Variants in PHLDB2 observed in about 807,000 individuals in gnomAD.
The protein encoded by PHLDB2 is pleckstrin homology-like domain family B member 2.
Under a neutral mutation model 123.6 loss-of-function variants are expected in PHLDB2, and 71 were observed. The ratio of observed to expected loss-of-function variants is 0.57; its 90% CI spans 0.47 to 0.70. The LOEUF is 0.70. PHLDB2 is among the 30% of genes least tolerant of loss of function. The pLI is 0.00. For synonymous variants in PHLDB2, 547 were observed against 541.6 expected (o/e 1.01, Z -0.14); for missense variants, 1,446 against 1,519.5 (o/e 0.95, Z 0.80).
intron 1 of PHLDB2, among the ~76,000 whole-genome samples, chr3:111,799,405 AG>A (rs1301817246): frequency 6.6e-6 from 1 of 152,270 alleles, no homozygotes; most frequent in African/African-American, 2.4e-5. Flanking sequence ...AAAAAGTATT[AG>A]AAAAGAAAAT....
intron 9 of PHLDB2, 113 bp from the exon 10 acceptor site, chr3:111,948,819 A>C: frequency 2.2e-6 from 2 of 899,170 alleles, no homozygotes; most frequent in Non-Finnish European, 3.4e-6. Context: ...ATAATACCAC[A>C]GATATCTGGC....
intron 8 of PHLDB2, 59 bp downstream of exon 8, chr3:111,940,704 A>G: frequency 1.0e-6 from 1 of 986,306 alleles, no homozygotes; most frequent in Non-Finnish European, 1.5e-6. Context: ...ATTCAGGGAA[A>G]TTGCCCCCTT....
chr3:111,859,880 T>TGA (rs2064726753), intron 1 of PHLDB2: 2 of 983,256 alleles, frequency 2.0e-6, no homozygotes, highest in Non-Finnish European at 2.4e-6. Flanking sequence ...GATGAGACGG[T>TGA]GAGTGGGCTC....
intron 1 of PHLDB2, among the ~76,000 whole-genome samples, chr3:111,844,846 G>A (rs2063876652): frequency 6.6e-6 from 1 of 152,182 alleles, no homozygotes; most frequent in Admixed American, 6.5e-5. Context: ...CTTAGTCTTA[G>A]AGACATTGTG....
rs115496035 is a variant in PHLDB2, at chr3:111,872,445, A to G, written c.-14-11619A>G. 8.4e-4 allele frequency among the ~76,000 whole-genome samples: 128 copies of G among 152,142 alleles called. 2 individuals are homozygous for G. The highest frequency in any genetic ancestry group is 2.9e-3 in the African/African-American group (122 of 41,500). Reference sequence around the variant, plus strand: ...CCTCCCTCCTGTTGTCACCTTGTCAATGCCTCTTGTGTGCTCTCCCTCACC... The same window carrying G: ...CCTCCCTCCTGTTGTCACCTTGTCAGTGCCTCTTGTGTGCTCTCCCTCACC... On this transcript the variant is annotated intron_variant, in intron 1 of 17. Coordinates refer to ENST00000431670, the MANE Select transcript of PHLDB2 (RefSeq NM_001134438.2).
intron 1 of PHLDB2, among the ~76,000 whole-genome samples, chr3:111,740,750 G>C (rs1173608380): frequency 6.6e-6 from 1 of 152,110 alleles, no homozygotes; most frequent in African/African-American, 2.4e-5. Context: ...CTTAAGGTAG[G>C]CTAGGAAGAG....
chr3:111,916,039 G>A (rs1401042621), intron 3 of PHLDB2: 4 of 152,172 alleles, frequency 2.6e-5, no homozygotes, highest in Admixed American at 1.3e-4. Flanking sequence ...AAAACATTAA[G>A]CTGTGTGCTG....
At chr3:111,944,635 T>C (rs1235480514) in intron 8 of PHLDB2, among the ~76,000 whole-genome samples, 2 of 151,538 alleles carry the variant, frequency 1.3e-5, no homozygotes, top group African/African-American at 2.4e-5. Context: ...TTGGAAGGAT[T>C]AAAAGAAAAA....
rs1435521067 is a variant in PHLDB2 at position 111,756,379 on chromosome 3, C to T, written c.-49+23676C>T. Among the ~76,000 whole-genome samples, 8 of 152,214 alleles carry T rather than the reference C, an allele frequency of 5.3e-5. No individual in the cohort carries two copies. In the East Asian group the frequency reaches 5.8e-4, roughly 11 times the overall value. Reference sequence around the variant, plus strand: ...TATATTTAGGATAGTTAGCTCTTCTCGTTGAATTGATCCCTTTACCATTAT... The same window carrying T: ...TATATTTAGGATAGTTAGCTCTTCTTGTTGAATTGATCCCTTTACCATTAT... On this transcript the variant is annotated intron_variant, in intron 1 of 17. Transcript: ENST00000393923.
rs192645515 is a variant in PHLDB2, at chr3:111,747,137, G to C, written c.-49+14434G>C. Among the ~76,000 whole-genome samples the C allele has an allele frequency of 7.2e-4, 110 of 152,290 alleles. No individual in the cohort carries two copies. The East Asian group carries it at 0.012, about 16-fold the overall frequency. On this transcript the variant is annotated intron_variant, in intron 1 of 17. Transcript: ENST00000393923. ...TTGATAAACTTTCAGCAGAATGCAAGATGATATGTAATCATTTTAATACTA... is the reference window on the plus strand; with the variant it reads ...TTGATAAACTTTCAGCAGAATGCAACATGATATGTAATCATTTTAATACTA...
At chr3:111,804,224 A>G (rs1389884660) in intron 1 of PHLDB2, among the ~76,000 whole-genome samples, 1 of 152,208 alleles carries the variant, frequency 6.6e-6, no homozygotes, top group East Asian at 1.9e-4. Context: ...CCTTTGGTGG[A>G]CAATATTGTT....
chr3:111,869,611 T>G (rs776706498), intron 1 of PHLDB2, among the ~76,000 whole-genome samples: 1 of 152,150 alleles, frequency 6.6e-6, no homozygotes, highest in Non-Finnish European at 1.5e-5. Flanking sequence ...GGATGTGTCT[T>G]GTCTGAATTC....
intron 1 of PHLDB2, among the ~76,000 whole-genome samples, chr3:111,745,628 G>T (rs545755471): frequency 2.0e-5 from 3 of 152,294 alleles, no homozygotes; most frequent in South Asian, 2.1e-4. Context: ...GCTGGGCATG[G>T]TGACACACCA....
chr3:111,826,100 G>A (rs973887766), intron 1 of PHLDB2, among the ~76,000 whole-genome samples: 14 of 151,824 alleles, frequency 9.2e-5, no homozygotes, highest in Non-Finnish European at 1.5e-4. Flanking sequence ...TCAGGAGTTC[G>A]AGACCCACCT....
At chr3:111,851,292 T>C (rs561184895) in intron 2 of PHLDB2, among the ~76,000 whole-genome samples, 13 of 151,176 alleles carry the variant, frequency 8.6e-5, no homozygotes, top group Non-Finnish European at 1.6e-4. Flanking sequence ...AAATTAAAAA[T>C]GGTCTGGCAA....
At chr3:111,746,794 A>C (rs1353491775) in intron 1 of PHLDB2, among the ~76,000 whole-genome samples, 1 of 152,192 alleles carries the variant, frequency 6.6e-6, no homozygotes, top group African/African-American at 2.4e-5. Context: ...TAATTTGAAA[A>C]AGGAAAAACA....
At chr3:111,876,110 C>T (rs2065601661) in intron 1 of PHLDB2, among the ~76,000 whole-genome samples, 1 of 152,090 alleles carries the variant, frequency 6.6e-6, no homozygotes, top group Admixed American at 6.5e-5. Context: ...GAGGCAAGAG[C>T]AGATACTGGC....
At chr3:111,818,631 C>A (rs1376332782) in intron 1 of PHLDB2, among the ~76,000 whole-genome samples, 2 of 152,164 alleles carry the variant, frequency 1.3e-5, no homozygotes, top group Non-Finnish European at 2.9e-5. Flanking sequence ...AAGCTCTTTG[C>A]AGTCATGGCC....
rs558969816 is a variant in PHLDB2, at chr3:111,925,464, A to G, written c.2001+5045A>G. 5.3e-4 allele frequency among the ~76,000 whole-genome samples: 81 copies of G among 152,328 alleles called. 1 individual carries two copies. Among genetic ancestry groups the G allele is most frequent in the Middle Eastern group, 6.8e-3 (2 of 294 alleles). On this transcript the variant is annotated intron_variant, in intron 5 of 17. Coordinates refer to ENST00000431670, the MANE Select transcript of PHLDB2 (RefSeq NM_001134438.2). ...GGTTGTGTTCTCGGATAGTAGCCAC[A>G]TCACAGATGGAGCCACTATGAACAT...
Sources: allele counts gnomAD v4.1 joint callset (sites outside exome capture counted in the v4.1 genomes callset), GRCh38; gene constraint gnomAD v4.1.1; transcripts MANE v1.5; gene names NCBI Gene and HGNC (gene_info 2026-07-23, HGNC 2026-07-21).